Variants in ARNT2 observed in about 807,000 individuals in gnomAD.
The protein encoded by ARNT2 is ARNT protein 2.
Under a neutral mutation model 91.7 loss-of-function variants are expected in ARNT2, and 36 were observed. That is an observed-to-expected ratio of 0.39 (90% CI 0.30 to 0.52). ARNT2 has a LOEUF of 0.52. ARNT2 is among the 20% of genes least tolerant of loss of function. The pLI is 0.72. For synonymous variants in ARNT2, 365 were observed against 347.1 expected (o/e 1.05, Z -0.57); for missense variants, 775 against 939.3 (o/e 0.83, Z 2.29).
chr15:80,562,790 A>G (rs1898390585), intron 11 of ARNT2: 2 of 396,224 alleles, frequency 5.0e-6, no homozygotes, highest in East Asian at 4.8e-5. Flanking sequence ...CAGAGTTTTC[A>G]TGATCTCATT....
At chr15:80,570,106 G>GCAC (rs1898558983) in intron 12 of ARNT2, among the ~76,000 whole-genome samples, 1 of 152,228 alleles carries the variant, frequency 6.6e-6, no homozygotes, top group African/African-American at 2.4e-5. Context: ...TGGGGCAGCA[G>GCAC]CCTAGGCCAG....
rs558489616 is a variant in ARNT2 at position 80,594,091 on chromosome 15, T to G, written c.*393T>G. 6.5e-5 allele frequency: 11 copies of G among 168,586 alleles called. No homozygotes were observed. The highest frequency in any genetic ancestry group is 7.6e-5 in the Non-Finnish European group (6 of 78,778). The allele number at this position is 168,586 out of a possible 1,614,324, so 10.4% of individuals were successfully genotyped here. On this transcript the variant is annotated 3_prime_UTR_variant, in exon 19 of 19. Transcript: ENST00000303329. ...CCTGCCCAGGATGCTGAAAGCAGAT[T>G]TCTTCTTGATTTCACTTCTGATGGA...
Position 80,404,431 on chromosome 15 carries a change from G to T in ARNT2, c.-85G>T. Reference sequence around the variant, plus strand: ...TGTGGCGGCGGCGGCGCCTGGGCCTGACCGGGTCCCCGGGGCTGAGCGCCG... The same window carrying T: ...TGTGGCGGCGGCGGCGCCTGGGCCTTACCGGGTCCCCGGGGCTGAGCGCCG... On this transcript the variant is annotated 5_prime_UTR_variant, in exon 1 of 19. Transcript: ENST00000303329. This position sits in a 1 kb window ranked among gnomAD's most constrained non-coding sequence, Gnocchi z 5.5. The T allele has an allele frequency of 1.0e-6, 1 of 973,504 alleles. No individual in the cohort carries two copies. The highest frequency in any genetic ancestry group is 2.9e-5 in the South Asian group (1 of 34,160). 60.3% of individuals were successfully genotyped at this position (973,504 alleles called of 1,614,324 possible).
chr15:80,443,389 C>T (rs981419555), intron 1 of ARNT2, among the ~76,000 whole-genome samples: 2 of 152,110 alleles, frequency 1.3e-5, no homozygotes, highest in African/African-American at 4.8e-5. Context: ...AAGGGCTGGC[C>T]TTGTCTGATG....
At chr15:80,468,836 A>G (rs1284808065) in intron 3 of ARNT2, among the ~76,000 whole-genome samples, 2 of 152,174 alleles carry the variant, frequency 1.3e-5, no homozygotes, top group Non-Finnish European at 2.9e-5. Flanking sequence ...TGGAAGGTTC[A>G]TGGTGGATGG....
At chr15:80,490,874 A>G (rs771056758) in intron 5 of ARNT2, among the ~76,000 whole-genome samples, 9 of 152,250 alleles carry the variant, frequency 5.9e-5, no homozygotes, top group Non-Finnish European at 7.3e-5. Flanking sequence ...AGGCAGTTAT[A>G]TAATGAATAT....
chr15:80,410,756 TTATC>T (rs71153533), intron 1 of ARNT2, among the ~76,000 whole-genome samples: 17,930 of 143,904 alleles, frequency 0.12, 1,129 homozygotes, highest in South Asian at 0.16. Context: ...CCATTCATTT[TTATC>T]TATCTATCTA....
chr15:80,459,978 T>G (rs1896530261), intron 3 of ARNT2, among the ~76,000 whole-genome samples: 1 of 152,208 alleles, frequency 6.6e-6, no homozygotes, highest in African/African-American at 2.4e-5. Flanking sequence ...CACTTTGCAG[T>G]GACTGTGGCT....
intron 2 of ARNT2, among the ~76,000 whole-genome samples, chr15:80,457,327 A>G (rs1488205588): frequency 1.3e-5 from 2 of 152,190 alleles, no homozygotes; most frequent in South Asian, 2.1e-4. Context: ...CTCAACAGCC[A>G]TGTTTGTGGT....
At chr15:80,451,968 T>A (rs1261642300) in intron 2 of ARNT2, among the ~76,000 whole-genome samples, 3 of 152,230 alleles carry the variant, frequency 2.0e-5, no homozygotes, top group Non-Finnish European at 4.4e-5. Context: ...TGCAACTGTC[T>A]GGTTACAGCA....
intron 12 of ARNT2, among the ~76,000 whole-genome samples, chr15:80,572,515 A>C (rs371852235): frequency 4.5e-4 from 68 of 151,272 alleles, no homozygotes; most frequent in Non-Finnish European, 9.0e-4. Flanking sequence ...TCCTACCCAC[A>C]GAATATCTAG....
chr15:80,581,064 TG>T, intron 16 of ARNT2, 174 bp from the exon 17 acceptor site: 1 of 719,992 alleles, frequency 1.4e-6, no homozygotes, highest in Non-Finnish European at 2.3e-6. Context: ...CTGCAGTTCC[TG>T]GGCCCTCACA....
chr15:80,544,464 T>G (rs551240255), intron 8 of ARNT2, among the ~76,000 whole-genome samples: 1 of 152,364 alleles, frequency 6.6e-6, no homozygotes, highest in Admixed American at 6.5e-5. Flanking sequence ...GTTTTGTTTT[T>G]TTCTTTGTTT....
intron 6 of ARNT2, among the ~76,000 whole-genome samples, chr15:80,511,012 A>T (rs529085679): frequency 6.6e-6 from 1 of 152,292 alleles, no homozygotes; most frequent in African/African-American, 2.4e-5. Flanking sequence ...TTGACCCAGC[A>T]ATCCCATTCC....
chr15:80,555,224 T>C (rs575434441), intron 11 of ARNT2, 85 bp downstream of exon 11: 193 of 1,456,208 alleles, frequency 1.3e-4, no homozygotes, highest in Admixed American at 2.1e-4. Flanking sequence ...TCCTACTATG[T>C]GCCAGGCAGG....
At chr15:80,412,197 A>G (rs1420107349) in intron 1 of ARNT2, among the ~76,000 whole-genome samples, 1 of 152,194 alleles carries the variant, frequency 6.6e-6, no homozygotes, top group Non-Finnish European at 1.5e-5. Flanking sequence ...AGGGAAATCT[A>G]CAAAAATGCC....
intron 8 of ARNT2, among the ~76,000 whole-genome samples, chr15:80,533,239 G>T (rs965393832): frequency 2.0e-5 from 3 of 152,216 alleles, no homozygotes; most frequent in Admixed American, 6.5e-5. Context: ...TTGGGAACTG[G>T]TTAATTTGGG....
intron 8 of ARNT2, among the ~76,000 whole-genome samples, chr15:80,545,103 G>T (rs563469543): frequency 1.3e-5 from 2 of 152,342 alleles, no homozygotes; most frequent in South Asian, 4.1e-4. Flanking sequence ...TTGCCATGTG[G>T]AATCCTATCT....
chr15:80,426,783 A>G (rs1895938366), intron 1 of ARNT2, among the ~76,000 whole-genome samples: 1 of 152,166 alleles, frequency 6.6e-6, no homozygotes, highest in Admixed American at 6.5e-5. Context: ...GGGTGGTTTA[A>G]ACAACAAATA....
Sources: allele counts gnomAD v4.1 joint callset (sites outside exome capture counted in the v4.1 genomes callset), GRCh38; gene constraint gnomAD v4.1.1; non-coding constraint Gnocchi (gnomAD v3.1); transcripts MANE v1.5; gene names NCBI Gene and HGNC (gene_info 2026-07-23, HGNC 2026-07-21).